Variants in MAD1L1 observed in about 807,000 individuals in gnomAD.
The protein encoded by MAD1L1 is mitotic spindle assembly checkpoint protein MAD1.
MAD1L1 carries 95 observed loss-of-function variants against 96.9 expected under a neutral mutation model. The ratio of observed to expected loss-of-function variants is 0.98; its 90% CI spans 0.83 to 1.16. The LOEUF (loss-of-function observed/expected upper bound fraction) is 1.16. Among genes scored for constraint, MAD1L1 ranks in the 50% most tolerant of loss-of-function variants. The pLI is 0.00. For synonymous variants in MAD1L1, 473 were observed against 396.6 expected, an observed-to-expected ratio of 1.19 and a Z score of -2.29; for missense variants, 1,007 against 954.4, an observed-to-expected ratio of 1.06 and a Z score of -0.73.
intron 18 of MAD1L1, among the ~76,000 whole-genome samples, chr7:1,842,403 C>T (rs923990089): frequency 2.0e-5 from 3 of 152,248 alleles, no homozygotes; most frequent in Non-Finnish European, 2.9e-5. Context: ...CGGCCTCAGC[C>T]GTCACAGCCG....
intron 17 of MAD1L1, among the ~76,000 whole-genome samples, chr7:1,908,770 T>A (rs570543268): frequency 6.6e-6 from 1 of 152,122 alleles, no homozygotes; most frequent in South Asian, 2.1e-4. Context: ...TGGTTCTCAC[T>A]CCCCGGAAGT....
intron 14 of MAD1L1, among the ~76,000 whole-genome samples, chr7:2,000,396 T>C (rs1347536423): frequency 6.6e-6 from 1 of 152,132 alleles, no homozygotes; most frequent in Admixed American, 6.5e-5. Flanking sequence ...CACCAGGTTG[T>C]GTCACCACCT....
At chr7:1,988,319 C>T (rs1562587524) in intron 14 of MAD1L1, among the ~76,000 whole-genome samples, 1 of 152,206 alleles carries the variant, frequency 6.6e-6, no homozygotes, top group Non-Finnish European at 1.5e-5. Context: ...CACACAGCAG[C>T]CCGGCCGTCC....
chr7:2,027,750 G>C (rs764650876), intron 12 of MAD1L1, among the ~76,000 whole-genome samples: 24 of 152,188 alleles, frequency 1.6e-4, no homozygotes, highest in Admixed American at 1.1e-3. Flanking sequence ...TACTAAAGTC[G>C]TCAGCACGAT....
At chr7:2,179,586 T>C (rs998948908) in intron 10 of MAD1L1, among the ~76,000 whole-genome samples, 1 of 150,422 alleles carries the variant, frequency 6.6e-6, no homozygotes, top group Non-Finnish European at 1.5e-5. Flanking sequence ...GGGAACAGAA[T>C]GGGGCTGGCA....
rs1480013939 is a variant in MAD1L1, at chr7:1,847,008, T to C, written c.1999-30780A>G. 3.3e-5 allele frequency: 11 copies of C among 337,880 alleles called. No individual in the cohort carries two copies. In the East Asian group the frequency reaches 9.3e-4, roughly 29 times the overall value. 20.9% of individuals were successfully genotyped at this position (337,880 alleles called of 1,614,324 possible). A position where few individuals can be genotyped will look rare whatever the true frequency, so the allele number is the denominator to read the frequency against. ...CCGCGTTTTCATTGACCACATTCAT[T>C]ACAAAGAGACATTTCAAAACATGTT... is the stretch of plus-strand genomic sequence containing the variant. On this transcript the variant is annotated intron_variant, in intron 18 of 18. Coordinates refer to ENST00000265854, the MANE Select transcript of MAD1L1 (RefSeq NM_001013836.2).
intron 11 of MAD1L1, among the ~76,000 whole-genome samples, chr7:2,106,450 A>C (rs987504854): frequency 7.1e-6 from 1 of 140,920 alleles, no homozygotes; most frequent in South Asian, 2.3e-4. Flanking sequence ...TGCCCTTCCC[A>C]CATGCGCTCC....
chr7:1,869,184 A>C (rs1215933969), intron 18 of MAD1L1, among the ~76,000 whole-genome samples: 1 of 152,002 alleles, frequency 6.6e-6, no homozygotes, highest in African/African-American at 2.4e-5. Flanking sequence ...GGTCTCAAGG[A>C]GAAGGCACAC....
intron 10 of MAD1L1, among the ~76,000 whole-genome samples, chr7:2,210,637 C>A (rs954470541): frequency 6.6e-6 from 1 of 152,208 alleles, no homozygotes; most frequent in African/African-American, 2.4e-5. Flanking sequence ...CACCCGAGAT[C>A]ACGGCCTGAT....
chr7:2,033,255 G>C (rs1783313913), intron 12 of MAD1L1, among the ~76,000 whole-genome samples: 1 of 152,242 alleles, frequency 6.6e-6, no homozygotes, highest in Non-Finnish European at 1.5e-5. Flanking sequence ...CGGGGGCACA[G>C]AACACCTGGG....
intron 18 of MAD1L1, 41 bp from the exon 19 acceptor site, chr7:1,816,269 C>A (rs561077130): frequency 1.9e-6 from 3 of 1,583,658 alleles, no homozygotes; most frequent in Non-Finnish European, 2.6e-6. Flanking sequence ...GCGGTCAGCC[C>A]GACAGGCCTC....
intron 18 of MAD1L1, among the ~76,000 whole-genome samples, chr7:1,894,299 G>A (rs1786729894): frequency 6.6e-6 from 1 of 152,200 alleles, no homozygotes; most frequent in Admixed American, 6.5e-5. Flanking sequence ...GAGGACTTGG[G>A]AAGAGTCGGC....
intron 10 of MAD1L1, among the ~76,000 whole-genome samples, chr7:2,199,546 C>T (rs1792170934): frequency 6.6e-6 from 1 of 152,278 alleles, no homozygotes; most frequent in South Asian, 2.1e-4. Context: ...CTTAGAATCA[C>T]TCTGCTACAC....
At chr7:1,983,154 G>A (rs12699564) in intron 14 of MAD1L1, among the ~76,000 whole-genome samples, 6,422 of 31,258 alleles carry the variant, frequency 0.21, 214 homozygotes, top group Admixed American at 0.32. Flanking sequence ...GCGCGCGCGC[G>A]CACACACACA....
chr7:2,173,718 G>A (rs754592796), intron 10 of MAD1L1, among the ~76,000 whole-genome samples: 28 of 152,256 alleles, frequency 1.8e-4, no homozygotes, highest in South Asian at 4.1e-4. Context: ...TGCTCCCTGC[G>A]TTCCAATCCT....
Position 1,959,792 on chromosome 7 carries a change from G to C in MAD1L1, c.1506-2073C>G, listed in dbSNP as rs553449317. ...GCCGACCTGCTCTACAGAAATGTCA[G>C]GTAAGGCCTGCAGGTGAGGGAGGAC... On this transcript the variant is annotated intron_variant, in intron 15 of 18. Transcript: ENST00000265854. Among the ~76,000 whole-genome samples, 16 of 152,310 alleles carry C rather than the reference G, an allele frequency of 1.1e-4. No individual in the cohort carries two copies. In the South Asian group the frequency reaches 3.3e-3, roughly 32 times the overall value.
At chr7:1,839,233 G>A (rs2128631368) in intron 18 of MAD1L1, among the ~76,000 whole-genome samples, 1 of 152,270 alleles carries the variant, frequency 6.6e-6, no homozygotes, top group East Asian at 1.9e-4. Flanking sequence ...GCGGGGCTAG[G>A]TGGGCTTGCC....
At chr7:1,976,176 T>G (rs2128481803) in intron 15 of MAD1L1, among the ~76,000 whole-genome samples, 2 of 152,280 alleles carry the variant, frequency 1.3e-5, no homozygotes, top group Middle Eastern at 6.8e-3. Flanking sequence ...TGGCTGTGCA[T>G]GTGTGTGTGA....
At chr7:1,925,413 G>A (rs1049994493) in intron 17 of MAD1L1, among the ~76,000 whole-genome samples, 1 of 152,142 alleles carries the variant, frequency 6.6e-6, no homozygotes, top group African/African-American at 2.4e-5. Flanking sequence ...AATTTATAAC[G>A]ACCCGAAGTT....
Sources: gnomAD v4.1 joint callset for allele counts (sites outside exome capture counted in the v4.1 genomes callset) on GRCh38, gnomAD v4.1.1 for gene constraint, MANE v1.5 for transcripts, NCBI Gene and HGNC (gene_info 2026-07-23, HGNC 2026-07-21) for gene names.